The following EPHA3 variants were observed in gnomAD, a reference collection of about 807,000 sequenced individuals.
EPHA3 encodes the protein EPH receptor A3.
In EPHA3, 42 loss-of-function variants were observed where a neutral mutation model predicts 107.1. The ratio of observed to expected loss-of-function variants is 0.39; its 90% CI spans 0.31 to 0.51. The LOEUF is 0.51. EPHA3 is among the 20% of genes least tolerant of loss of function. EPHA3 has a pLI of 0.78. For synonymous variants in EPHA3, 461 were observed against 424.8 expected (o/e 1.09, Z -1.05); for missense variants, 1,183 against 1,211.2 (o/e 0.98, Z 0.35).
At chr3:89,121,107 G>C (rs1298231384) in intron 1 of EPHA3, among the ~76,000 whole-genome samples, 1 of 152,042 alleles carries the variant, frequency 6.6e-6, no homozygotes, top group Non-Finnish European at 1.5e-5. Flanking sequence ...GTGGTGGCAG[G>C]TGCCTCTAGT....
intron 3 of EPHA3, among the ~76,000 whole-genome samples, chr3:89,325,110 C>T (rs528966285): frequency 2.0e-5 from 3 of 152,112 alleles, no homozygotes; most frequent in South Asian, 2.1e-4. Context: ...ATGGGCACCT[C>T]GGTTGATTCC....
At chr3:89,441,563 T>G (rs1345581758) in intron 13 of EPHA3, among the ~76,000 whole-genome samples, 3 of 152,216 alleles carry the variant, frequency 2.0e-5, no homozygotes, top group Non-Finnish European at 4.4e-5. Context: ...TCTAAATGCC[T>G]AGTGTGGCAC....
At chr3:89,356,404 G>T (rs551417561) in intron 5 of EPHA3, among the ~76,000 whole-genome samples, 1 of 150,938 alleles carries the variant, frequency 6.6e-6, no homozygotes, top group African/African-American at 2.4e-5. Flanking sequence ...CTGAAGAATC[G>T]CCACACTGAC....
At chr3:89,162,508 C>A (rs555728730) in intron 2 of EPHA3, among the ~76,000 whole-genome samples, 10 of 152,230 alleles carry the variant, frequency 6.6e-5, no homozygotes, top group African/African-American at 2.4e-4. Context: ...TCCTCTCTTG[C>A]CCAGAAATCA....
In EPHA3 at chr3:89,472,459, TGCAGG is replaced by T. The variant is rs1410633484; in HGVS notation, c.2691-4_2691del. On this transcript the variant is annotated splice_acceptor_variant and splice_polypyrimidine_tract_variant and coding_sequence_variant and intron_variant, in exon 16 of 17. Coordinates refer to ENST00000336596, the MANE Select transcript of EPHA3 (RefSeq NM_005233.6). LOFTEE classifies it high-confidence loss of function. ...TGTCTCCCTTTGGTGTTTTTTTTCT[TGCAGG>T]CCATCAAACCTTCTTCTGGACCAAA... is the stretch of plus-strand genomic sequence containing the variant. 3.7e-6 allele frequency: 6 copies of T among 1,612,974 alleles called. No individual in the cohort carries two copies. The Admixed American group carries it at 5.0e-5, about 13-fold the overall frequency.
At chr3:89,325,178 G>A (rs560514621) in intron 3 of EPHA3, among the ~76,000 whole-genome samples, 38 of 152,194 alleles carry the variant, frequency 2.5e-4, no homozygotes, top group African/African-American at 8.4e-4. Context: ...TGTCTTTTTG[G>A]AAGAATGATT....
In EPHA3 at chr3:89,177,182, T is replaced by G. The variant is rs150660878; in HGVS notation, c.154-32678T>G. ...TAAGAGTAGTTTTTCTTCTTATATC[T>G]GATTCCACATCTTAACAAAAACTTT... On this transcript the variant is annotated intron_variant, in intron 2 of 16. Coordinates refer to ENST00000336596, the MANE Select transcript of EPHA3 (RefSeq NM_005233.6). 1.9e-3 allele frequency among the ~76,000 whole-genome samples: 293 copies of G among 152,312 alleles called. 1 individual carries two copies. Among genetic ancestry groups the G allele is most frequent in the African/African-American group, 6.5e-3 (269 of 41,570 alleles).
chr3:89,387,637 T>G (rs1465952425), intron 5 of EPHA3, among the ~76,000 whole-genome samples: 1 of 151,378 alleles, frequency 6.6e-6, no homozygotes, highest in East Asian at 1.9e-4. Flanking sequence ...ATATATCATA[T>G]GTATGAAGAT....
At chr3:89,275,257 T>C (rs1416859210) in intron 3 of EPHA3, among the ~76,000 whole-genome samples, 2 of 152,054 alleles carry the variant, frequency 1.3e-5, no homozygotes, top group African/African-American at 4.8e-5. Context: ...TGGAGATTCA[T>C]GTTCTTCAGA....
At chr3:89,447,292 CT>C (rs1709894082) in intron 13 of EPHA3, among the ~76,000 whole-genome samples, 1 of 152,130 alleles carries the variant, frequency 6.6e-6, no homozygotes, top group South Asian at 2.1e-4. Flanking sequence ...CACCTGGTAG[CT>C]TCTTAGGAAG....
At chr3:89,338,450 T>C (rs1559652440) in intron 3 of EPHA3, among the ~76,000 whole-genome samples, 1 of 152,262 alleles carries the variant, frequency 6.6e-6, no homozygotes, top group Non-Finnish European at 1.5e-5. Flanking sequence ...GCCCATTTTC[T>C]ATTGCAAGGG....
At chr3:89,146,164 C>T (rs1015079804) in intron 2 of EPHA3, among the ~76,000 whole-genome samples, 5 of 151,782 alleles carry the variant, frequency 3.3e-5, no homozygotes, top group Non-Finnish European at 7.4e-5. Flanking sequence ...CTCCATCCCA[C>T]TCAGGGCATG....
At chr3:89,422,428 A>T (rs1709369345) in intron 11 of EPHA3, among the ~76,000 whole-genome samples, 1 of 151,490 alleles carries the variant, frequency 6.6e-6, no homozygotes, top group African/African-American at 2.4e-5. Flanking sequence ...AAAAGCAGGC[A>T]TATCAGTATC....
At chr3:89,399,642 ATTTGTG>A (rs1016047531) in intron 7 of EPHA3, 162 bp downstream of exon 7, 1 of 1,298,922 alleles carries the variant, frequency 7.7e-7, no homozygotes, top group African/African-American at 1.5e-5. Flanking sequence ...TGTATACAGT[ATTTGTG>A]TTTGTGTGGG....
intron 3 of EPHA3, among the ~76,000 whole-genome samples, chr3:89,263,915 C>G (rs1214480281): frequency 6.6e-6 from 1 of 152,050 alleles, no homozygotes; most frequent in Non-Finnish European, 1.5e-5. Flanking sequence ...AGGTTACATT[C>G]CGAAGTTTTA....
chr3:89,277,581 A>T (rs138956817), intron 3 of EPHA3, among the ~76,000 whole-genome samples: 144 of 152,232 alleles, frequency 9.5e-4, no homozygotes, highest in African/African-American at 3.0e-3. Flanking sequence ...GCATTTAAAG[A>T]TATGTCACTG....
intron 2 of EPHA3, among the ~76,000 whole-genome samples, chr3:89,201,397 A>G (rs546159271): frequency 4.6e-5 from 7 of 152,322 alleles, no homozygotes; most frequent in Admixed American, 2.0e-4. Context: ...ATGAATGAAT[A>G]AATGAATACA....
chr3:89,447,318 G>T (rs374478619), intron 13 of EPHA3, among the ~76,000 whole-genome samples: 1 of 152,116 alleles, frequency 6.6e-6, no homozygotes, highest in Non-Finnish European at 1.5e-5. Flanking sequence ...CGCTCACTGT[G>T]TGTCTTTGCA....
At chr3:89,429,194 T>C (rs1466676411) in intron 12 of EPHA3, 27 bp downstream of exon 12, 2 of 1,556,642 alleles carry the variant, frequency 1.3e-6, no homozygotes. Context: ...CACATACATA[T>C]ATATGAATAA....
Sources: gnomAD v4.1 joint callset for allele counts (sites outside exome capture counted in the v4.1 genomes callset) on GRCh38, gnomAD v4.1.1 for gene constraint, MANE v1.5 for transcripts, NCBI Gene and HGNC (gene_info 2026-07-23, HGNC 2026-07-21) for gene names.